Variants in DSC2 observed in about 807,000 individuals in gnomAD.
DSC2 encodes the protein desmocollin 2, also known as desmocollin-2.
In DSC2, 51 loss-of-function variants were observed where a neutral mutation model predicts 87.6. That is an observed-to-expected ratio of 0.58 (90% CI 0.46 to 0.74). The LOEUF (loss-of-function observed/expected upper bound fraction) is 0.74. DSC2 is among the 30% of genes least tolerant of loss of function. The pLI is 0.00. For missense variants in DSC2, 1,066 were observed against 1,089.5 expected (o/e 0.98, Z 0.30); for synonymous variants, 383 against 393.2 (o/e 0.97, Z 0.31).
In DSC2 at chr18:31,062,712, G is replaced by C. The variant is rs780742949; in HGVS notation, c.*5303C>G. On this transcript the variant is annotated 3_prime_UTR_variant, in exon 16 of 16. Transcript: ENST00000280904. ...ATTATTGGTGGCTACAAGTAGGTTC[G>C]TGCAATTATTGGTGGTAGGATTTGA... is the stretch of plus-strand genomic sequence containing the variant. The C allele has an allele frequency of 6.6e-6, 1 of 152,164 alleles. No homozygotes were observed. Among genetic ancestry groups the C allele is most frequent in the Non-Finnish European group, 1.5e-5 (1 of 68,048 alleles). 9.4% of individuals were successfully genotyped at this position (152,164 alleles called of 1,614,324 possible).
Position 31,082,893 on chromosome 18 carries a change from T to C in DSC2, c.1077+33A>G, listed in dbSNP as rs75019786. 1.1e-3 allele frequency: 1,835 copies of C among 1,608,586 alleles called. 19 individuals are homozygous for C. In the African/African-American group the frequency reaches 0.021, roughly 19 times the overall value. ...ATATTAAACAATTAAAACTGGTCTA[T>C]ACATTTTTCTTTAATTAATATCATA... is the stretch of plus-strand genomic sequence containing the variant. On this transcript the variant is annotated intron_variant, in intron 8 of 15. Transcript: ENST00000280904.
Position 31,062,026 on chromosome 18 carries a change from C to G in DSC2, c.*5989G>C, listed in dbSNP as rs771225263. 6.6e-6 allele frequency: 1 copy of G among 152,170 alleles called. No individual in the cohort carries two copies. The highest frequency in any genetic ancestry group is 2.4e-5 in the African/African-American group (1 of 41,436). 9.4% of individuals were successfully genotyped at this position (152,170 alleles called of 1,614,324 possible). A position where few individuals can be genotyped will look rare whatever the true frequency, so the allele number is the denominator to read the frequency against. On this transcript the variant is annotated 3_prime_UTR_variant, in exon 16 of 16. Coordinates refer to ENST00000280904, the MANE Select transcript of DSC2 (RefSeq NM_024422.6). ...GAGCAGGGCTGGGAACTACCTCTTA[C>G]GTGTTATCTTCCAAGTGACATTATC...
Position 31,071,576 on chromosome 18 carries a change from T to G in DSC2, c.2125+29A>C, listed in dbSNP as rs763021766. On this transcript the variant is annotated intron_variant, in intron 13 of 15. Transcript: ENST00000280904. Reference sequence around the variant, plus strand: ...TGAAAGTTACTTTAAAGGGTATTATTTGAATTCAAGAAAGGACTTAAGACT... The same window carrying G: ...TGAAAGTTACTTTAAAGGGTATTATGTGAATTCAAGAAAGGACTTAAGACT... 2.5e-6 allele frequency: 4 copies of G among 1,598,438 alleles called. No individual in the cohort carries two copies. In the East Asian group the frequency reaches 6.7e-5, roughly 27 times the overall value.
In DSC2 at chr18:31,093,373, A is replaced by G. The variant is rs189168455; in HGVS notation, c.154+186T>C. On this transcript the variant is annotated intron_variant, in intron 2 of 15. Coordinates refer to ENST00000280904, the MANE Select transcript of DSC2 (RefSeq NM_024422.6). ...TTCACATTGCTCAGCTCCCACTTAT[A>G]AGTGAGAACATGCAGTGTTTGATTT... 4.7e-3 allele frequency among the ~76,000 whole-genome samples: 709 copies of G among 152,252 alleles called. 9 individuals carry two copies. Among genetic ancestry groups the G allele is most frequent in the African/African-American group, 0.017 (686 of 41,532 alleles).
chr18:31,069,242 T>C, intron 14 of DSC2, 91 bp from the exon 15 acceptor site: 1 of 1,510,334 alleles, frequency 6.6e-7, no homozygotes, highest in East Asian at 2.3e-5. Context: ...TGCCTTTTTT[T>C]GTGTGTATGC....
intron 7 of DSC2, among the ~76,000 whole-genome samples, chr18:31,085,130 T>C (rs927884593): frequency 6.6e-6 from 1 of 152,078 alleles, no homozygotes; most frequent in African/African-American, 2.4e-5. Context: ...ATTCATGTAG[T>C]ATCAAGGAAT....
intron 7 of DSC2, among the ~76,000 whole-genome samples, chr18:31,083,460 AAAG>A (rs1349100149): frequency 2.0e-5 from 3 of 152,340 alleles, no homozygotes; most frequent in East Asian, 3.9e-4. Context: ...TTCAACAGAA[AAAG>A]AAGAGCTATT....
At chr18:31,080,038 TATA>T (rs780882195) in intron 10 of DSC2, 49 bp from the exon 11 acceptor site, 2 of 1,610,186 alleles carry the variant, frequency 1.2e-6, no homozygotes, top group South Asian at 2.2e-5. Flanking sequence ...TATGCTAAAT[TATA>T]ATAACGTAAC....
intron 3 of DSC2, 109 bp from the exon 4 acceptor site, chr18:31,091,256 G>T: frequency 7.5e-7 from 1 of 1,333,378 alleles, no homozygotes; most frequent in Non-Finnish European, 1.0e-6. Context: ...GGGTAGGGGT[G>T]AGACCATGGG....
At chr18:31,088,920 T>C (rs766824108) in intron 5 of DSC2, among the ~76,000 whole-genome samples, 7 of 152,016 alleles carry the variant, frequency 4.6e-5, no homozygotes, top group Non-Finnish European at 8.8e-5. Context: ...TCCCAGCACT[T>C]TGGGAGGCCG....
intron 11 of DSC2, among the ~76,000 whole-genome samples, chr18:31,078,803 A>G (rs1298354436): frequency 6.6e-6 from 1 of 152,182 alleles, no homozygotes; most frequent in African/African-American, 2.4e-5. Flanking sequence ...TTTGTTTGTT[A>G]TATTTAGCAT....
At chr18:31,098,914 T>C (rs1382678902) in intron 1 of DSC2, among the ~76,000 whole-genome samples, 1 of 152,194 alleles carries the variant, frequency 6.6e-6, no homozygotes, top group Admixed American at 6.6e-5. Flanking sequence ...GAGCTGTCTT[T>C]GAATGTAGAG....
In DSC2 at chr18:31,067,138, C is replaced by A. The variant is rs1986648196; in HGVS notation, c.*877G>T. On this transcript the variant is annotated 3_prime_UTR_variant, in exon 16 of 16. Coordinates refer to ENST00000280904, the MANE Select transcript of DSC2 (RefSeq NM_024422.6). ...AACATTACAATGATTTCAAGAAAAA[C>A]TAAGAATATATACACTTACATAAAA... The A allele has an allele frequency of 6.7e-6, 1 of 148,726 alleles. No homozygotes were observed. The allele number at this position is 148,726 out of a possible 1,614,324, so 9.2% of individuals were successfully genotyped here. A position where few individuals can be genotyped will look rare whatever the true frequency, so the allele number is the denominator to read the frequency against.
In DSC2 at chr18:31,091,150, C is replaced by A. The variant is rs975997446; in HGVS notation, c.355-3G>T. On this transcript the variant is annotated splice_region_variant and splice_polypyrimidine_tract_variant and intron_variant, in intron 3 of 15. Transcript: ENST00000280904. Reference sequence around the variant, plus strand: ...TTAGTATGTCTTTTCTTTAGGACCTCAATTCATAAGACAGGAAAAAATAAT... The same window carrying A: ...TTAGTATGTCTTTTCTTTAGGACCTAAATTCATAAGACAGGAAAAAATAAT... 2 of 1,613,716 alleles carry A rather than the reference C, an allele frequency of 1.2e-6. No homozygotes were observed. Among genetic ancestry groups the A allele is most frequent in the African/African-American group, 2.7e-5 (2 of 74,998 alleles).
At chr18:31,083,638 G>A (rs1211452054) in intron 7 of DSC2, among the ~76,000 whole-genome samples, 1 of 152,004 alleles carries the variant, frequency 6.6e-6, no homozygotes. Flanking sequence ...AGATTTTAAG[G>A]GTTTATGTTA....
rs199714872 is a variant in DSC2, at chr18:31,092,160, A to T, written c.295T>A (p.Ser99Thr). The T allele has an allele frequency of 1.5e-5, 25 of 1,613,490 alleles. No homozygotes were observed. In the African/African-American group the frequency reaches 3.2e-4, roughly 21 times the overall value. ...TTCTTTTCTTGGTTCTCAGTGTTGG[A>T]AAGTAATATGGTAAAACTTCTCTTC... ...SEKRSFTILL[S>T]NTENQEKKKI... Residue 99 changes from serine (S) to threonine (T), a missense_variant, in exon 3 of 16, where the codon TCC becomes ACC. Coordinates refer to ENST00000280904, the MANE Select transcript of DSC2 (RefSeq NM_024422.6).
At chr18:31,086,850 C>A in intron 6 of DSC2, 108 bp from the exon 7 acceptor site, 2 of 1,195,312 alleles carry the variant, frequency 1.7e-6, no homozygotes. Context: ...CACATTATTA[C>A]ATGGCAAAGT....
intron 7 of DSC2, among the ~76,000 whole-genome samples, chr18:31,083,935 T>C (rs951506102): frequency 7.9e-5 from 12 of 152,216 alleles, no homozygotes; most frequent in Admixed American, 2.0e-4. Flanking sequence ...ACTTGGGTTC[T>C]ATTTCCAACT....
At chr18:31,083,270 G>A (rs1185120268) in intron 7 of DSC2, among the ~76,000 whole-genome samples, 1 of 152,090 alleles carries the variant, frequency 6.6e-6, no homozygotes, top group African/African-American at 2.4e-5. Context: ...GTCTCGCTCT[G>A]TTGCCCAGGC....
Sources: allele counts gnomAD v4.1 joint callset (sites outside exome capture counted in the v4.1 genomes callset), GRCh38; gene constraint gnomAD v4.1.1; transcripts MANE v1.5; gene names NCBI Gene and HGNC (gene_info 2026-07-23, HGNC 2026-07-21).